Variants in PHLPP2 observed in about 807,000 individuals in gnomAD.
PHLPP2 encodes the protein PH domain leucine-rich repeat-containing protein phosphatase 2.
Under a neutral mutation model 124.9 loss-of-function variants are expected in PHLPP2, and 66 were observed. The ratio of observed to expected loss-of-function variants is 0.53; its 90% CI spans 0.43 to 0.65. The LOEUF (loss-of-function observed/expected upper bound fraction) is 0.65. Among genes scored for constraint, PHLPP2 ranks in the 30% least tolerant of loss-of-function variants. The pLI, the probability that PHLPP2 is intolerant of heterozygous loss-of-function variation, is 0.00. For missense variants in PHLPP2, 1,685 were observed against 1,600.4 expected, an observed-to-expected ratio of 1.05 and a Z score of -0.90; for synonymous variants, 681 against 624.7, an observed-to-expected ratio of 1.09 and a Z score of -1.34.
rs1201234032 is a variant in PHLPP2, at chr16:71,646,801, C to T, written c.*2089G>A. 3 of 152,184 alleles carry T rather than the reference C, an allele frequency of 2.0e-5. No individual in the cohort carries two copies. In the East Asian group the frequency reaches 5.8e-4, roughly 29 times the overall value. 9.4% of individuals were successfully genotyped at this position (152,184 alleles called of 1,614,324 possible). A position where few individuals can be genotyped will look rare whatever the true frequency, so the allele number is the denominator to read the frequency against. ...TCTGTGTGAGCCACTATGTTCCCTA[C>T]TTCAAATCAAAGACCTGAGTTCTAA... On this transcript the variant is annotated 3_prime_UTR_variant, in exon 19 of 19. Coordinates refer to ENST00000568954, the MANE Select transcript of PHLPP2 (RefSeq NM_015020.3).
chr16:71,681,040 C>A (rs761908375), intron 6 of PHLPP2, among the ~76,000 whole-genome samples: 5 of 152,116 alleles, frequency 3.3e-5, no homozygotes, highest in Non-Finnish European at 5.9e-5. Context: ...TAAGGAAGTA[C>A]GTAAAATATG....
intron 8 of PHLPP2, chr16:71,677,556 T>C (rs938329460): frequency 1.3e-5 from 2 of 150,484 alleles, no homozygotes; most frequent in Non-Finnish European, 1.5e-5. Flanking sequence ...AGGTGTATGA[T>C]TTAATTTATG....
chr16:71,657,144 T>C (rs1210613771), intron 15 of PHLPP2, among the ~76,000 whole-genome samples: 3 of 152,102 alleles, frequency 2.0e-5, no homozygotes, highest in Non-Finnish European at 4.4e-5. Flanking sequence ...GGTTTCACCA[T>C]GTTGGCCAGG....
chr16:71,672,085 C>G (rs183384118), intron 10 of PHLPP2, among the ~76,000 whole-genome samples, 177 bp downstream of exon 10: 86 of 152,280 alleles, frequency 5.6e-4, no homozygotes, highest in Non-Finnish European at 7.9e-4. Flanking sequence ...TCAAGAGAAT[C>G]CTTCCTTTAT....
rs761808231 is a variant in PHLPP2, at chr16:71,672,337, A to AACAG, written c.1472-19_1472-16dup. On this transcript the variant is annotated splice_polypyrimidine_tract_variant and intron_variant, in intron 9 of 18. Transcript: ENST00000568954. ...TGCTGTCAGCCCTAATCCAAAAACA[A>AACAG]ACAGGTGTTAGTGACATCCTCTAAA... is the stretch of plus-strand genomic sequence containing the variant. The AACAG allele has an allele frequency of 1.9e-6, 3 of 1,602,898 alleles. No homozygotes were observed. The Admixed American group carries it at 5.0e-5, about 27-fold the overall frequency.
At chr16:71,681,324 C>T (rs2044995366) in intron 6 of PHLPP2, among the ~76,000 whole-genome samples, 1 of 152,142 alleles carries the variant, frequency 6.6e-6, no homozygotes. Flanking sequence ...AGCTTCACAG[C>T]TGACTAAACG....
chr16:71,662,828 G>C (rs1445346181), intron 13 of PHLPP2, among the ~76,000 whole-genome samples: 1 of 151,818 alleles, frequency 6.6e-6, no homozygotes, highest in East Asian at 1.9e-4. Context: ...TTTGAGACCA[G>C]CCTGGCCAAC....
At position 71,645,587 on chromosome 16, in the gene PHLPP2, A is replaced by G. The variant is rs1001410470; in HGVS notation, c.*3303T>C. 1 of 152,820 alleles carries G rather than the reference A, an allele frequency of 6.5e-6. No homozygotes were observed. Among genetic ancestry groups the G allele is most frequent in the African/African-American group, 2.4e-5 (1 of 41,432 alleles). The allele number at this position is 152,820 out of a possible 1,614,324, so 9.5% of individuals were successfully genotyped here. A position where few individuals can be genotyped will look rare whatever the true frequency, so the allele number is the denominator to read the frequency against. ...AAGTACCGGCTTTTGCTGAAGGTCT[A>G]CATGGGAAGAAGAGCATCATTTGAT... On this transcript the variant is annotated 3_prime_UTR_variant, in exon 19 of 19. Transcript: ENST00000568954.
chr16:71,670,695 A>AACACACACACACAC (rs71153651), intron 10 of PHLPP2, among the ~76,000 whole-genome samples: 4,343 of 128,936 alleles, frequency 0.034, 195 homozygotes, highest in African/African-American at 0.091. Context: ...AGAGGCTGAA[A>AACACACACACACAC]ACACACACAC....
At position 71,676,455 on chromosome 16, in the gene PHLPP2, C is replaced by G; in HGVS notation, c.1463G>C (p.Ser488Thr). The change falls in exon 9 of 19, where the codon AGT becomes ACT. Residue 488 changes from serine to threonine, a missense_variant. Physicochemically the swap from Ser to Thr is moderately conservative, Grantham distance 58. Coordinates refer to ENST00000568954, the MANE Select transcript of PHLPP2 (RefSeq NM_015020.3). Reference sequence around the variant, plus strand: ...CTGCAGAGAAAACTCACTGTTGGAACTGGCATAGAGGGTCCGAAGGGAAAA... The same window carrying G: ...CTGCAGAGAAAACTCACTGTTGGAAGTGGCATAGAGGGTCCGAAGGGAAAA... ...SGFSLRTLYA[S>T]SNRLTAVNVY... 8 of 1,613,388 alleles carry G rather than the reference C, an allele frequency of 5.0e-6. No homozygotes were observed. Among genetic ancestry groups the G allele is most frequent in the Non-Finnish European group, 5.9e-6 (7 of 1,179,394 alleles).
At position 71,649,641 on chromosome 16, in the gene PHLPP2, C is replaced by A; in HGVS notation, c.3221G>T (p.Ser1074Ile). The A allele has an allele frequency of 6.2e-7, 1 of 1,614,222 alleles. No homozygotes were observed. The highest frequency in any genetic ancestry group is 8.5e-7 in the Non-Finnish European group (1 of 1,180,050). ...APKPATPSSS[S>I]GIASEFSSEM... ...ACTGCTGAACTCAGAGGCAATCCCA[C>A]TGCTAGAGGATGGAGTGGCTGGCTT... The change falls in exon 19 of 19, where the codon AGT becomes ATT. Residue 1074 changes from serine (S) to isoleucine (I), a missense_variant. Physicochemically the swap from Ser to Ile is moderately radical, Grantham distance 142. Transcript: ENST00000568954.
At chr16:71,717,729 T>C (rs975367590) in intron 1 of PHLPP2, among the ~76,000 whole-genome samples, 11 of 152,134 alleles carry the variant, frequency 7.2e-5, no homozygotes, top group African/African-American at 2.7e-4. Context: ...CCATATAGTA[T>C]AGCAATATTT....
At chr16:71,683,882 C>CT (rs2045027148) in intron 5 of PHLPP2, among the ~76,000 whole-genome samples, 2 of 152,058 alleles carry the variant, frequency 1.3e-5, no homozygotes, top group African/African-American at 4.8e-5. Flanking sequence ...TCTCCGCCTC[C>CT]TGGGTTCAAG....
chr16:71,690,508 G>C lies in PHLPP2; in HGVS notation c.609+11C>G. 6.5e-7 allele frequency: 1 copy of C among 1,546,112 alleles called. No individual in the cohort carries two copies. Among genetic ancestry groups the C allele is most frequent in the Non-Finnish European group, 8.8e-7 (1 of 1,131,582 alleles). ...ATCAAATGAAAAATAATTCATCTTTGTGAGTCTTACCTTTCCACCAACCAG... is the reference window on the plus strand; with the variant it reads ...ATCAAATGAAAAATAATTCATCTTTCTGAGTCTTACCTTTCCACCAACCAG... On this transcript the variant is annotated intron_variant, in intron 4 of 18. Coordinates refer to ENST00000568954, the MANE Select transcript of PHLPP2 (RefSeq NM_015020.3).
intron 1 of PHLPP2, among the ~76,000 whole-genome samples, chr16:71,721,445 C>T (rs2045398124): frequency 6.6e-6 from 1 of 152,020 alleles, no homozygotes; most frequent in Admixed American, 6.5e-5. Flanking sequence ...CCCATCTCTA[C>T]AAAAATAAAA....
intron 13 of PHLPP2, among the ~76,000 whole-genome samples, chr16:71,661,163 T>C (rs1012496839): frequency 3.3e-5 from 5 of 151,704 alleles, no homozygotes; most frequent in African/African-American, 1.2e-4. Context: ...ACCTCCCAGG[T>C]TGAAGCGATT....
At chr16:71,693,571 AC>A (rs1046786641) in intron 3 of PHLPP2, among the ~76,000 whole-genome samples, 1 of 152,190 alleles carries the variant, frequency 6.6e-6, no homozygotes, top group African/African-American at 2.4e-5. Flanking sequence ...CTGGCACCAG[AC>A]TGATCTTCCC....
chr16:71,656,120 G>C (rs534108013), intron 16 of PHLPP2, among the ~76,000 whole-genome samples: 3 of 152,248 alleles, frequency 2.0e-5, no homozygotes, highest in South Asian at 2.1e-4. Context: ...TGCACCCCAT[G>C]GAACCCCGGG....
intron 1 of PHLPP2, among the ~76,000 whole-genome samples, chr16:71,716,289 ATG>A (rs1214950066): frequency 5.3e-5 from 8 of 152,208 alleles, no homozygotes; most frequent in Non-Finnish European, 1.5e-5. Flanking sequence ...CCTTATGAAA[ATG>A]TGTGTTTCTC....
Sources: allele counts gnomAD v4.1 joint callset (sites outside exome capture counted in the v4.1 genomes callset), GRCh38; gene constraint gnomAD v4.1.1; transcripts MANE v1.5; gene names NCBI Gene and HGNC (gene_info 2026-07-23, HGNC 2026-07-21).